The following DLG5 variants were observed in gnomAD, a reference collection of about 807,000 sequenced individuals.
DLG5 encodes disks large homolog 5.
A neutral mutation model predicts 189.8 loss-of-function variants in DLG5; 48 were observed. The observed-to-expected ratio is 0.25, with a 90% CI of 0.20 to 0.32. The LOEUF (loss-of-function observed/expected upper bound fraction) is 0.32. Ranked by LOEUF, DLG5 falls within the 10% of genes least tolerant of loss-of-function variation. The probability of loss-of-function intolerance (pLI) is 1.00; values close to 1 mark genes in which losing one functional copy is unlikely to be tolerated. For missense variants in DLG5, 2,160 were observed against 2,544.7 expected (o/e 0.85, Z 3.25); for synonymous variants, 1,016 against 1,054.1 (o/e 0.96, Z 0.70).
At chr10:77,798,234 C>CT (rs1444271954) in intron 27 of DLG5, among the ~76,000 whole-genome samples, 1 of 152,058 alleles carries the variant, frequency 6.6e-6, no homozygotes, top group Non-Finnish European at 1.5e-5. Context: ...CACATACATC[C>CT]ACACAGTCTT....
chr10:77,802,673 C>T (rs4979793), intron 27 of DLG5, among the ~76,000 whole-genome samples: 12,895 of 152,216 alleles, frequency 0.085, 883 homozygotes, highest in African/African-American at 0.18. Flanking sequence ...CTAAGACAGG[C>T]GGCTCACTTG....
intron 5 of DLG5, among the ~76,000 whole-genome samples, chr10:77,852,963 G>C (rs2154576656): frequency 6.6e-6 from 1 of 152,204 alleles, no homozygotes; most frequent in Non-Finnish European, 1.5e-5. Context: ...CAAGCTACAA[G>C]CACATCCAGC....
chr10:77,809,896 G>GA (rs1223226149), intron 23 of DLG5, among the ~76,000 whole-genome samples, 166 bp from the exon 24 acceptor site: 6 of 152,282 alleles, frequency 3.9e-5, no homozygotes, highest in African/African-American at 1.4e-4. Context: ...TTCGGGACAG[G>GA]ATGCTAAGGT....
intron 1 of DLG5, among the ~76,000 whole-genome samples, chr10:77,895,173 C>T (rs1388548177): frequency 6.6e-6 from 1 of 152,172 alleles, no homozygotes; most frequent in East Asian, 1.9e-4. Context: ...CTGACAGACC[C>T]TCACCCGCAG....
At chr10:77,806,084 C>A in intron 26 of DLG5, 1 of 486,936 alleles carries the variant, frequency 2.1e-6, no homozygotes, top group Non-Finnish European at 3.6e-6. Flanking sequence ...TCAGAGCAGG[C>A]GATTTTTTCT....
intron 7 of DLG5, among the ~76,000 whole-genome samples, chr10:77,840,891 C>A (rs1232279547): frequency 6.6e-6 from 1 of 152,184 alleles, no homozygotes; most frequent in Admixed American, 6.5e-5. Flanking sequence ...ACCCCCTGGG[C>A]ATCACCTGCC....
chr10:77,829,076 A>C (rs1254575917), intron 12 of DLG5, 91 bp from the exon 13 acceptor site: 2 of 1,386,182 alleles, frequency 1.4e-6, no homozygotes, highest in Non-Finnish European at 2.0e-6. Flanking sequence ...TCTTCTTACA[A>C]AAGAGGATGT....
Position 77,807,886 on chromosome 10 carries a change from T to A in DLG5, c.4706A>T (p.Lys1569Met). ...TVEEVYVEML[K>M]PRDGVRLKVQ... is the part of the protein sequence containing the mutation. ...CTTCAGGCGGACGCCATCCCTGGGC[T>A]TCAGCATCTCCACATAGACTTCCTC... Residue 1569 changes from lysine (K) to methionine (M), a missense_variant, in exon 25 of 32, where the codon AAG becomes ATG. Transcript: ENST00000372391. The A allele has an allele frequency of 6.2e-7, 1 of 1,614,214 alleles. No homozygotes were observed. Among genetic ancestry groups the A allele is most frequent in the Non-Finnish European group, 8.5e-7 (1 of 1,180,034 alleles).
chr10:77,871,536 CT>C (rs34326711), intron 1 of DLG5, among the ~76,000 whole-genome samples: 1,210 of 83,818 alleles, frequency 0.014, 7 homozygotes, highest in African/African-American at 0.05. Context: ...AAGCATCACA[CT>C]TTTTTTTTTT....
chr10:77,821,113 G>A lies in DLG5; in HGVS notation c.3371C>T (p.Ala1124Val), dbSNP rs1842324568. The A allele has an allele frequency of 1.9e-6, 3 of 1,613,752 alleles. No homozygotes were observed. Among genetic ancestry groups the A allele is most frequent in the Non-Finnish European group, 2.5e-6 (3 of 1,179,914 alleles). ...GAACTGAGCAGGAATCACTACTGGAGCAAGCTTCGGCCGAAAACTGGGAGC... is the reference window on the plus strand; with the variant it reads ...GAACTGAGCAGGAATCACTACTGGAACAAGCTTCGGCCGAAAACTGGGAGC... ...KSAPSFRPKL[A>V]PVVIPAQFLE... Residue 1124 changes from alanine to valine, a missense_variant, in exon 15 of 32, where the codon GCT becomes GTT. Ala to Val is a moderately conservative substitution (Grantham distance 64, BLOSUM62 0). Around this residue, in one of 5 missense-constraint regions of DLG5, gnomAD observed 754 missense variants for 746.5 expected, o/e 1.01. Transcript: ENST00000372391.
intron 1 of DLG5, among the ~76,000 whole-genome samples, chr10:77,888,163 T>C (rs577504544): frequency 6.6e-6 from 1 of 152,192 alleles, no homozygotes; most frequent in Non-Finnish European, 1.5e-5. Flanking sequence ...ACATCAAAGA[T>C]GAGAGGTGGG....
chr10:77,850,471 G>A (rs1367559375), intron 5 of DLG5, among the ~76,000 whole-genome samples: 5 of 152,130 alleles, frequency 3.3e-5, no homozygotes, highest in African/African-American at 4.8e-5. Context: ...GGTTGTTACC[G>A]GTTTTGGGCT....
chr10:77,825,119 G>C (rs1048054031), intron 13 of DLG5, among the ~76,000 whole-genome samples: 19 of 152,174 alleles, frequency 1.2e-4, no homozygotes, highest in African/African-American at 4.3e-4. Context: ...GGTGGATCTT[G>C]CAGGCATGGT....
chr10:77,824,966 C>T lies in DLG5; in HGVS notation c.2290-490G>A, dbSNP rs148926952. Among the ~76,000 whole-genome samples, 60 of 152,302 alleles carry T rather than the reference C, an allele frequency of 3.9e-4. No individual in the cohort carries two copies. In the East Asian group the frequency reaches 4.1e-3, roughly 10 times the overall value. On this transcript the variant is annotated intron_variant, in intron 13 of 31. Coordinates refer to ENST00000372391, the MANE Select transcript of DLG5 (RefSeq NM_004747.4). ...ACAAAGAACCTCTCAACCCTGCTCCCGGAATCTCTGCTCACAGCTATGTGC... is the reference window on the plus strand; with the variant it reads ...ACAAAGAACCTCTCAACCCTGCTCCTGGAATCTCTGCTCACAGCTATGTGC...
intron 3 of DLG5, among the ~76,000 whole-genome samples, chr10:77,856,491 G>A (rs776948820): frequency 1.1e-4 from 17 of 151,420 alleles, no homozygotes; most frequent in Non-Finnish European, 2.2e-4. Context: ...AGCTGACTTT[G>A]CACACAAGCA....
intron 26 of DLG5, 40 bp downstream of exon 26, chr10:77,806,718 A>AGG: frequency 1.5e-4 from 198 of 1,333,416 alleles, no homozygotes; most frequent in Non-Finnish European, 2.0e-4. Context: ...GCCCTCGGCG[A>AGG]CCCCTGCCCC....
chr10:77,814,059 A>G lies in DLG5; in HGVS notation c.4026-1682T>C, dbSNP rs115613547. Among the ~76,000 whole-genome samples the G allele has an allele frequency of 5.1e-3, 769 of 152,204 alleles. 10 individuals are homozygous for G. Among genetic ancestry groups the G allele is most frequent in the African/African-American group, 0.017 (723 of 41,524 alleles). ...AGTGGCATGATCTCAGCTTGCTGCAATTCCACCTCCTGGGTTCCAATGATT... is the reference window on the plus strand; with the variant it reads ...AGTGGCATGATCTCAGCTTGCTGCAGTTCCACCTCCTGGGTTCCAATGATT... On this transcript the variant is annotated intron_variant, in intron 20 of 31. Transcript: ENST00000372391.
At chr10:77,934,792 G>T in the DLG5 span, among the ~76,000 whole-genome samples, 3 of 151,886 alleles carry the variant, frequency 2.0e-5, no homozygotes, top group Non-Finnish European at 4.4e-5. Flanking sequence ...CTGCCAAGCT[G>T]ACCTGGACCT....
rs910677288 is a variant in DLG5 at position 77,796,008 on chromosome 10, G to A, written c.5436+53C>T. On this transcript the variant is annotated intron_variant, in intron 29 of 31. Coordinates refer to ENST00000372391, the MANE Select transcript of DLG5 (RefSeq NM_004747.4). This position sits in a 1 kb window ranked among gnomAD's most constrained non-coding sequence, Gnocchi z 5.2. ...TCACGGACCAGGGGCCTAGACCTGT[G>A]CACAGGAGGTCTAATACTGGATGCC... is the stretch of plus-strand genomic sequence containing the variant. The A allele has an allele frequency of 4.3e-6, 7 of 1,612,830 alleles. No homozygotes were observed. Among genetic ancestry groups the A allele is most frequent in the South Asian group, 1.1e-5 (1 of 91,018 alleles).
Sources: gnomAD v4.1 joint callset for allele counts (sites outside exome capture counted in the v4.1 genomes callset) on GRCh38, gnomAD v4.1.1 for gene constraint, gnomAD v4.1.1 regional missense constraint, Gnocchi (gnomAD v3.1) non-coding constraint, MANE v1.5 for transcripts, NCBI Gene and HGNC (gene_info 2026-07-23, HGNC 2026-07-21) for gene names.